PHEX: variants seen among roughly 807,000 people sequenced by gnomAD.
PHEX encodes the protein phosphate-regulating neutral endopeptidase PHEX.
Under a neutral mutation model 68.0 loss-of-function variants are expected in PHEX, and 16 were observed. The ratio of observed to expected loss-of-function variants is 0.24; its 90% confidence interval spans 0.16 to 0.36. PHEX has a LOEUF of 0.36. Ranked by LOEUF, PHEX falls within the 10% of genes least tolerant of loss-of-function variation. The pLI is 1.00. For missense variants in PHEX, 480 were observed against 575.5 expected, an observed-to-expected ratio of 0.83 and a Z score of 1.70; for synonymous variants, 208 against 205.1, an observed-to-expected ratio of 1.01 and a Z score of -0.12.
At chrX:22,159,789 G>T (rs191328484) in intron 12 of PHEX, among the ~76,000 whole-genome samples, 1 of 112,006 alleles carries the variant, frequency 8.9e-6, no homozygotes, top group East Asian at 2.8e-4. Flanking sequence ...CCTGATATGG[G>T]TAAGGCAAAC....
intron 11 of PHEX, among the ~76,000 whole-genome samples, chrX:22,124,209 A>T (rs947550217): frequency 2.7e-5 from 3 of 111,980 alleles, no homozygotes; most frequent in African/African-American, 9.7e-5. Context: ...ATCCGGTCCC[A>T]ATCGTGACAG....
intron 12 of PHEX, among the ~76,000 whole-genome samples, chrX:22,167,494 T>TC (rs986916746): frequency 1.0e-5 from 1 of 95,517 alleles, no homozygotes; most frequent in African/African-American, 4.2e-5. Flanking sequence ...TTAATTTCTT[T>TC]TTTTTTTTTT....
rs189062441 is a variant in PHEX, at chrX:22,065,055, C to T, written c.350-11333C>T. ...ACATTCCATGTAAAAAGGCACTACC[C>T]GTAACAGGAAAATTAATTATATGCT... On this transcript the variant is annotated intron_variant, in intron 3 of 21. Transcript: ENST00000379374. Among the ~76,000 whole-genome samples the T allele has an allele frequency of 1.6e-3, 176 of 112,333 alleles. 1 individual carries two copies. The highest frequency in any genetic ancestry group is 1.3e-3 in the Non-Finnish European group (67 of 53,297).
intron 12 of PHEX, among the ~76,000 whole-genome samples, chrX:22,156,018 G>A (rs1477041395): frequency 8.9e-6 from 1 of 111,853 alleles, no homozygotes; most frequent in Non-Finnish European, 1.9e-5. Context: ...AGAGAAAAAA[G>A]CAACTTTTCC....
rs140742016 is a variant in PHEX, at chrX:22,247,917, G to A, written c.2214G>A (p.Thr738=). The A allele has an allele frequency of 2.3e-4, 277 of 1,206,940 alleles. No individual in the cohort carries two copies. Among genetic ancestry groups the A allele is most frequent in the Admixed American group, 5.0e-4 (23 of 45,731 alleles). Residue 738 remains threonine (T), a synonymous_variant, in exon 22 of 22, where the codon ACG becomes ACA. Transcript: ENST00000379374. ...QKAFNCPPNS[T]MNRGMDSCRL... The stretch of plus-strand genomic sequence containing the variant: ...CTTTTAACTGTCCACCCAATTCCAC[G>A]ATGAACAGAGGCATGGACTCCTGCC...
chrX:22,225,586 C>CTATATG (rs1556146507), intron 18 of PHEX, among the ~76,000 whole-genome samples: 7 of 111,023 alleles, frequency 6.3e-5, no homozygotes, highest in Non-Finnish European at 1.1e-4. Flanking sequence ...CAAATACAGA[C>CTATATG]TATATGCATG....
chrX:22,199,058 A>G (rs748525407), intron 15 of PHEX, among the ~76,000 whole-genome samples: 17 of 111,715 alleles, frequency 1.5e-4, no homozygotes, highest in Non-Finnish European at 3.0e-4. Flanking sequence ...ACCTGCCCCT[A>G]TGATTTAATT....
At chrX:22,212,515 T>G (rs959301751) in intron 15 of PHEX, among the ~76,000 whole-genome samples, 5 of 111,618 alleles carry the variant, frequency 4.5e-5, no homozygotes, top group African/African-American at 6.5e-5. Flanking sequence ...AAGATTAAAC[T>G]AAGTGCAGGA....
chrX:22,035,103 T>TTC (rs1926951014), intron 1 of PHEX, among the ~76,000 whole-genome samples: 2 of 110,561 alleles, frequency 1.8e-5, no homozygotes, highest in Admixed American at 2.0e-4. Context: ...TGTGGTATAT[T>TTC]TCTCTGCCTG....
chrX:22,190,609 AG>A, intron 15 of PHEX, 107 bp downstream of exon 15: 1 of 604,903 alleles, frequency 1.7e-6, no homozygotes, highest in Non-Finnish European at 2.9e-6. Context: ...CAAAAGTGGC[AG>A]GGTATGCTGG....
chrX:22,148,361 A>C (rs1240738479), intron 12 of PHEX, among the ~76,000 whole-genome samples: 1 of 111,848 alleles, frequency 8.9e-6, no homozygotes, highest in Non-Finnish European at 1.9e-5. Context: ...TATAATTGAC[A>C]AATAATAATT....
chrX:22,033,086 C>T lies in PHEX; in HGVS notation c.81C>T (p.Val27=), dbSNP rs139862893. ...CTCGAATTGCCCTGGTCGTGTTTGTCGGTGGCACCCTAGTTCTGGGCACGA... is the reference window on the plus strand; with the variant it reads ...CTCGAATTGCCCTGGTCGTGTTTGTTGGTGGCACCCTAGTTCTGGGCACGA... ...RGTRIALVVF[V]GGTLVLGTIL... is the part of the protein sequence containing the mutation. Residue 27 remains valine, a synonymous_variant, in exon 1 of 22, where the codon GTC becomes GTT. Transcript: ENST00000379374. 1.4e-4 allele frequency: 167 copies of T among 1,205,614 alleles called. No homozygotes were observed. In the African/African-American group the frequency reaches 2.0e-3, roughly 14 times the overall value.
At chrX:22,075,482 G>A (rs1929113087) in intron 3 of PHEX, among the ~76,000 whole-genome samples, 1 of 110,813 alleles carries the variant, frequency 9.0e-6, no homozygotes, top group Non-Finnish European at 1.9e-5. Flanking sequence ...CCTTGACAAG[G>A]CAGTTTGACA....
At chrX:22,099,183 T>A in intron 9 of PHEX, 32 bp downstream of exon 9, 1 of 1,157,245 alleles carries the variant, frequency 8.6e-7, no homozygotes, top group African/African-American at 1.8e-5. Context: ...TTACTGTGAC[T>A]TTTGTGTTTT....
intron 10 of PHEX, 65 bp downstream of exon 10, chrX:22,111,625 A>G: frequency 7.4e-6 from 6 of 810,108 alleles, no homozygotes; most frequent in Non-Finnish European, 1.1e-5. Context: ...TAGTCCATAT[A>G]TTAACTGATC....
intron 18 of PHEX, among the ~76,000 whole-genome samples, chrX:22,222,865 A>T (rs1935315050): frequency 8.9e-6 from 1 of 111,876 alleles, no homozygotes; most frequent in African/African-American, 3.2e-5. Context: ...AAGAGATTAA[A>T]ATCCACGGTA....
At chrX:22,195,204 C>T (rs1469463717) in intron 15 of PHEX, among the ~76,000 whole-genome samples, 3 of 112,014 alleles carry the variant, frequency 2.7e-5, no homozygotes, top group Non-Finnish European at 5.6e-5. Flanking sequence ...ATATCTAAAC[C>T]TGGCATGCCA....
chrX:22,199,550 C>T (rs900726482), intron 15 of PHEX, among the ~76,000 whole-genome samples: 5 of 111,561 alleles, frequency 4.5e-5, no homozygotes, highest in East Asian at 2.8e-4. Context: ...CCACCTGGGA[C>T]GTGAATCATC....
chrX:22,140,248 G>A (rs771565434), intron 12 of PHEX, among the ~76,000 whole-genome samples: 4 of 110,113 alleles, frequency 3.6e-5, no homozygotes, highest in Non-Finnish European at 7.6e-5. Context: ...TCTCGCAGGT[G>A]GGTCCCCTGA....
Sources: gnomAD v4.1 joint callset for allele counts (sites outside exome capture counted in the v4.1 genomes callset) on GRCh38, gnomAD v4.1.1 for gene constraint, MANE v1.5 for transcripts, NCBI Gene and HGNC (gene_info 2026-07-23, HGNC 2026-07-21) for gene names.